Variants in PHLDB1 observed in about 807,000 individuals in gnomAD.
PHLDB1 encodes the protein pleckstrin homology-like domain family B member 1.
A neutral mutation model predicts 139.3 loss-of-function variants in PHLDB1; 65 were observed. That is an observed-to-expected ratio of 0.47 (90% CI 0.38 to 0.57). The LOEUF (loss-of-function observed/expected upper bound fraction) is 0.57, where lower values mean the gene tolerates loss of function less well. Ranked by LOEUF, PHLDB1 falls within the 20% of genes least tolerant of loss-of-function variation. The probability of loss-of-function intolerance (pLI) is 0.00; values close to 1 mark genes in which losing one functional copy is unlikely to be tolerated. For synonymous variants in PHLDB1, 679 were observed against 734.5 expected (o/e 0.92, Z 1.22); for missense variants, 1,624 against 1,839.7 (o/e 0.88, Z 2.14).
intron 4 of PHLDB1, among the ~76,000 whole-genome samples, chr11:118,617,791 A>C (rs1941954873): frequency 1.3e-5 from 2 of 152,016 alleles, no homozygotes; most frequent in South Asian, 4.2e-4. Flanking sequence ...AGGAACCCCC[A>C]AAAATTGGGG....
rs782452159 is a variant in PHLDB1, at chr11:118,618,894, C to T, written c.355+2683C>T. Among the ~76,000 whole-genome samples the T allele has an allele frequency of 8.6e-4, 130 of 151,612 alleles. 1 individual carries two copies. Among genetic ancestry groups the T allele is most frequent in the Non-Finnish European group, 4.0e-4 (27 of 67,954 alleles). On this transcript the variant is annotated intron_variant, in intron 4 of 22. Coordinates refer to ENST00000600882, the MANE Select transcript of PHLDB1 (RefSeq NM_001144758.3). ...AGATGGCAGTGACAGGCTCTTCCAG[C>T]AGGAATATGCCTGGGCCAGGGGAAA...
chr11:118,625,182 C>T lies in PHLDB1; in HGVS notation c.481+123C>T, dbSNP rs1050558397. The T allele has an allele frequency of 3.5e-5, 41 of 1,171,278 alleles. No individual in the cohort carries two copies. In the East Asian group the frequency reaches 1.1e-3, roughly 31 times the overall value. 72.6% of individuals were successfully genotyped at this position (1,171,278 alleles called of 1,614,324 possible). On this transcript the variant is annotated intron_variant, in intron 5 of 22. Transcript: ENST00000600882. Reference sequence around the variant, plus strand: ...CAATACCTAAGGTCTGGGCTCACTGCCACCTGCCATGGGCGGGTGGAGAAT... The same window carrying T: ...CAATACCTAAGGTCTGGGCTCACTGTCACCTGCCATGGGCGGGTGGAGAAT...
Position 118,641,780 on chromosome 11 carries a change from C to T in PHLDB1, c.2737-474C>T, listed in dbSNP as rs57482195. The T allele has an allele frequency of 1.6e-3, 2,051 of 1,288,710 alleles. 26 individuals are homozygous for T. In the African/African-American group the frequency reaches 0.028, roughly 17 times the overall value. 79.8% of individuals were successfully genotyped at this position (1,288,710 alleles called of 1,614,324 possible). A position where few individuals can be genotyped will look rare whatever the true frequency, so the allele number is the denominator to read the frequency against. On this transcript the variant is annotated intron_variant, in intron 12 of 22. Transcript: ENST00000600882. ...TCGTTCGCTTCCATCACGCCTTCAC[C>T]TAAGGTTGGTGGTTTGTGAGTTCTT...
Position 118,628,228 on chromosome 11 carries a change from C to T in PHLDB1, c.1405C>T (p.Leu469Phe). ...PLSPSLSRRA[L>F]SPLPTRTTPD... is the part of the protein sequence containing the mutation. ...AAGTCCATCTCTGTCCCGGCGAGCT[C>T]TCTCCCCGCTGCCCACCCGGACCAC... The change falls in exon 6 of 23, where the codon CTC becomes TTC. Residue 469 changes from leucine to phenylalanine, a missense_variant. Transcript: ENST00000600882. 1 of 1,614,112 alleles carries T rather than the reference C, an allele frequency of 6.2e-7. No individual in the cohort carries two copies. The highest frequency in any genetic ancestry group is 8.5e-7 in the Non-Finnish European group (1 of 1,179,982).
Position 118,635,377 on chromosome 11 carries a change from G to T in PHLDB1, c.2380-16G>T, listed in dbSNP as rs189906125. ...TTGCAAGCACCACCCAACCCCCTTTGTCACTGTCGTTGAAGGAGGCAGAGG... is the reference window on the plus strand; with the variant it reads ...TTGCAAGCACCACCCAACCCCCTTTTTCACTGTCGTTGAAGGAGGCAGAGG... On this transcript the variant is annotated splice_polypyrimidine_tract_variant and intron_variant, in intron 9 of 22. Coordinates refer to ENST00000600882, the MANE Select transcript of PHLDB1 (RefSeq NM_001144758.3). 1.9e-4 allele frequency: 303 copies of T among 1,564,048 alleles called. No homozygotes were observed. In the African/African-American group the frequency reaches 3.5e-3, roughly 18 times the overall value.
intron 4 of PHLDB1, chr11:118,623,972 T>C (rs1555098062): frequency 6.6e-6 from 1 of 151,850 alleles, no homozygotes; most frequent in Non-Finnish European, 1.5e-5. Context: ...TGATCTCGGC[T>C]CACTGCAGCC....
At chr11:118,625,199 G>A in intron 5 of PHLDB1, 140 bp downstream of exon 5, 1 of 1,037,970 alleles carries the variant, frequency 9.6e-7, no homozygotes. Flanking sequence ...CCATGGGCGG[G>A]TGGAGAATGC....
chr11:118,643,691 C>T lies in PHLDB1; in HGVS notation c.2878-109C>T. ...GCTTGTTGTCAGAGCCAGAAGGCCTCAGAGGCCTAGTGCCAGGGCGGTACG... is the reference window on the plus strand; with the variant it reads ...GCTTGTTGTCAGAGCCAGAAGGCCTTAGAGGCCTAGTGCCAGGGCGGTACG... On this transcript the variant is annotated intron_variant, in intron 13 of 22. Coordinates refer to ENST00000600882, the MANE Select transcript of PHLDB1 (RefSeq NM_001144758.3). 1.9e-6 allele frequency: 3 copies of T among 1,582,724 alleles called. No individual in the cohort carries two copies. The South Asian group carries it at 3.5e-5, about 18-fold the overall frequency.
chr11:118,654,654 G>A (rs1322575024), intron 20 of PHLDB1: 3 of 148,154 alleles, frequency 2.0e-5, no homozygotes, highest in Non-Finnish European at 3.0e-5. Context: ...ATTATATCTC[G>A]ATATAAATTA....
intron 20 of PHLDB1, chr11:118,654,775 T>G (rs1257745070): frequency 7.3e-6 from 1 of 137,452 alleles, no homozygotes; most frequent in African/African-American, 2.7e-5. Context: ...TGAAGTGCAG[T>G]GGCGTGATCT....
At chr11:118,643,314 T>G (rs782256042) in intron 13 of PHLDB1, among the ~76,000 whole-genome samples, 1 of 152,228 alleles carries the variant, frequency 6.6e-6, no homozygotes, top group Non-Finnish European at 1.5e-5. Flanking sequence ...CGTCAGGGTT[T>G]GTGACACTAA....
Position 118,611,850 on chromosome 11 carries a change from T to TAATAATAAA in PHLDB1, c.-21-1964_-21-1963insTAATAAAAA, listed in dbSNP as rs150215858. On this transcript the variant is annotated intron_variant, in intron 1 of 22. Transcript: ENST00000600882. The surrounding 1 kb of genome is among the most constrained non-coding windows in gnomAD (Gnocchi z 4.7). Reference sequence around the variant, plus strand: ...AAAAAAAAAATAATAATAATAATAATAAATGGCATTAAGTGCTTTGCTTTC... The same window carrying TAATAATAAA: ...AAAAAAAAAATAATAATAATAATAATAATAATAAAAAATGGCATTAAGTGCTTTGCTTTC... Among the ~76,000 whole-genome samples the TAATAATAAA allele has an allele frequency of 2.0e-5, 3 of 150,050 alleles. No homozygotes were observed. The highest frequency in any genetic ancestry group is 1.3e-4 in the Admixed American group (2 of 15,038).
chr11:118,610,454 T>C lies in PHLDB1; in HGVS notation c.-22+2755T>C. ...AGGCGGCGGCCGAGAGGACCCCAGC[T>C]CGGCCTGGCGGGCCTCTGGCCACAG... On this transcript the variant is annotated intron_variant, in intron 1 of 22. Coordinates refer to ENST00000600882, the MANE Select transcript of PHLDB1 (RefSeq NM_001144758.3). This position sits in a 1 kb window ranked among gnomAD's most constrained non-coding sequence, Gnocchi z 8.7. 1 of 979,198 alleles carries C rather than the reference T, an allele frequency of 1.0e-6. No individual in the cohort carries two copies. The highest frequency in any genetic ancestry group is 1.2e-6 in the Non-Finnish European group (1 of 827,612). 60.7% of individuals were successfully genotyped at this position (979,198 alleles called of 1,614,324 possible).
chr11:118,634,741 A>T, intron 9 of PHLDB1: 1 of 226,564 alleles, frequency 4.4e-6, no homozygotes, highest in Non-Finnish European at 9.3e-6. Context: ...TCGCCTGGTT[A>T]TTCTCCTCTT....
chr11:118,620,838 G>A lies in PHLDB1; in HGVS notation c.356-4096G>A, dbSNP rs1164357726. Among the ~76,000 whole-genome samples the A allele has an allele frequency of 2.0e-5, 3 of 152,130 alleles. No individual in the cohort carries two copies. The highest frequency in any genetic ancestry group is 4.8e-5 in the African/African-American group (2 of 41,416). ...GCTTTGGCCTGAACTCCCAGCCCAG[G>A]GTGACCTTGTTACAGTGGCAGCCTG... On this transcript the variant is annotated intron_variant, in intron 4 of 22. Coordinates refer to ENST00000600882, the MANE Select transcript of PHLDB1 (RefSeq NM_001144758.3). This position sits in a 1 kb window ranked among gnomAD's most constrained non-coding sequence, Gnocchi z 4.1.
intron 4 of PHLDB1, among the ~76,000 whole-genome samples, chr11:118,616,719 T>C (rs536725049): frequency 2.0e-4 from 30 of 152,274 alleles, no homozygotes; most frequent in African/African-American, 6.7e-4. Flanking sequence ...CCCAAAGCAA[T>C]AGGCCATTCT....
chr11:118,638,934 C>T lies in PHLDB1; in HGVS notation c.2579C>T (p.Ala860Val), dbSNP rs1946075713. ...GACAGTCAGGCTGGGCAGATCCGGG[C>T]TCAGGCCGTGCAGGAATCAGAACGC... ...ILDSQAGQIR[A>V]QAVQESERLA... The change falls in exon 11 of 23, where the codon GCT (alanine) becomes GTT (valine). Residue 860 changes from alanine (A) to valine (V), a missense_variant. Transcript: ENST00000600882. 3 of 1,613,476 alleles carry T rather than the reference C, an allele frequency of 1.9e-6. No homozygotes were observed. The highest frequency in any genetic ancestry group is 1.1e-5 in the South Asian group (1 of 90,966).
chr11:118,622,121 T>TTC (rs1942941028), intron 4 of PHLDB1, among the ~76,000 whole-genome samples: 38 of 152,158 alleles, frequency 2.5e-4, no homozygotes, highest in Admixed American at 2.5e-3. Flanking sequence ...CCTCCAGATG[T>TTC]GCAGCTCCTC....
At chr11:118,612,678 A>C (rs1940716204) in intron 1 of PHLDB1, among the ~76,000 whole-genome samples, 1 of 152,164 alleles carries the variant, frequency 6.6e-6, no homozygotes, top group Non-Finnish European at 1.5e-5. Context: ...AAATTTAGTA[A>C]CACCATAGCT....
Sources: gnomAD v4.1 joint callset for allele counts (sites outside exome capture counted in the v4.1 genomes callset) on GRCh38, gnomAD v4.1.1 for gene constraint, Gnocchi (gnomAD v3.1) non-coding constraint, MANE v1.5 for transcripts, NCBI Gene and HGNC (gene_info 2026-07-23, HGNC 2026-07-21) for gene names.